Variants in RHO observed in about 807,000 individuals in gnomAD.
RHO encodes opsin 2, rod pigment.
A neutral mutation model predicts 31.2 loss-of-function variants in RHO; 21 were observed. That is an observed-to-expected ratio of 0.67 (90% CI 0.48 to 0.97). The LOEUF is 0.97. RHO is among the 50% of genes least tolerant of loss of function. RHO has a pLI of 0.00. For missense variants in RHO, 414 were observed against 479.5 expected (o/e 0.86, Z 1.28); for synonymous variants, 211 against 196.6 (o/e 1.07, Z -0.61).
intron 1 of RHO, 44 bp downstream of exon 1, chr3:129,529,138 T>A: frequency 6.3e-7 from 1 of 1,590,918 alleles, no homozygotes; most frequent in South Asian, 1.1e-5. Context: ...CCCGGGAGCA[T>A]GGAGGGGTCT....
In RHO at chr3:129,532,186, C is replaced by T. The variant is rs1003128409; in HGVS notation, c.531-65C>T. ...TGAAGCCCCAGAAAGGGCCAGCGCT[C>T]GGCAGCCACCTTGGCTGTTCCCAAG... On this transcript the variant is annotated intron_variant, in intron 2 of 4. Coordinates refer to ENST00000296271, the MANE Select transcript of RHO (RefSeq NM_000539.3). This position sits in a 1 kb window ranked among gnomAD's most constrained non-coding sequence, Gnocchi z 5.5. The T allele has an allele frequency of 1.4e-5, 20 of 1,403,320 alleles. No individual in the cohort carries two copies. Among genetic ancestry groups the T allele is most frequent in the Admixed American group, 3.4e-5 (2 of 59,126 alleles). 86.9% of individuals were successfully genotyped at this position (1,403,320 alleles called of 1,614,324 possible).
Position 129,528,717 on chromosome 3 carries a change from C to G in RHO, c.-17C>G. The G allele has an allele frequency of 6.2e-7, 1 of 1,614,032 alleles. No individual in the cohort carries two copies. The highest frequency in any genetic ancestry group is 8.5e-7 in the Non-Finnish European group (1 of 1,180,016). ...TTGGGTGGGAGCAGCCACGGGTCAG[C>G]CACAAGGGCCACAGCCATGAATGGC... is the stretch of plus-strand genomic sequence containing the variant. On this transcript the variant is annotated 5_prime_UTR_variant, in exon 1 of 5. Coordinates refer to ENST00000296271, the MANE Select transcript of RHO (RefSeq NM_000539.3).
chr3:129,529,681 C>T (rs1045421768), intron 1 of RHO, among the ~76,000 whole-genome samples: 2 of 152,228 alleles, frequency 1.3e-5, no homozygotes, highest in African/African-American at 4.8e-5. Flanking sequence ...CTCAGGTGCC[C>T]CTCCAGCCTC....
intron 1 of RHO, among the ~76,000 whole-genome samples, chr3:129,529,476 C>G (rs534810430): frequency 6.6e-6 from 1 of 152,354 alleles, no homozygotes; most frequent in South Asian, 2.1e-4. Context: ...CTCTGTTTCC[C>G]TTGGAGCAGC....
rs1033202887 is a variant in RHO at position 129,535,205 on chromosome 3, C to A, written c.*1487C>A. On this transcript the variant is annotated 3_prime_UTR_variant, in exon 5 of 5. Transcript: ENST00000296271. ...TTTTGTTGCTTTCACACTCTATCCACAGGATAGATTGAAACTGCCAGCTTC... is the reference window on the plus strand; with the variant it reads ...TTTTGTTGCTTTCACACTCTATCCAAAGGATAGATTGAAACTGCCAGCTTC... 1.3e-5 allele frequency: 2 copies of A among 152,646 alleles called. No individual in the cohort carries two copies. The highest frequency in any genetic ancestry group is 3.8e-4 in the East Asian group (2 of 5,196). The allele number at this position is 152,646 out of a possible 1,614,324, so 9.5% of individuals were successfully genotyped here.
At position 129,533,789 on chromosome 3, in the gene RHO, TCCCA is replaced by T; in HGVS notation, c.*74_*77del. 1 of 1,053,784 alleles carries T rather than the reference TCCCA, an allele frequency of 9.5e-7. No homozygotes were observed. The highest frequency in any genetic ancestry group is 1.5e-6 in the Non-Finnish European group (1 of 673,030). 65.3% of individuals were successfully genotyped at this position (1,053,784 alleles called of 1,614,324 possible). A position where few individuals can be genotyped will look rare whatever the true frequency, so the allele number is the denominator to read the frequency against. ...CTACACCTTCCCCCAGCCACAGCCA[TCCCA>T]CCAGGAGCAGCGCCTGTGCAGAATG... On this transcript the variant is annotated 3_prime_UTR_variant, in exon 5 of 5. Coordinates refer to ENST00000296271, the MANE Select transcript of RHO (RefSeq NM_000539.3).
Position 129,533,843 on chromosome 3 carries a change from T to A in RHO, c.*125T>A, listed in dbSNP as rs1578281839. 1.9e-5 allele frequency: 2 copies of A among 107,876 alleles called. No individual in the cohort carries two copies. Among genetic ancestry groups the A allele is most frequent in the Non-Finnish European group, 2.7e-5 (2 of 74,728 alleles). The allele number at this position is 107,876 out of a possible 1,614,324, so 6.7% of individuals were successfully genotyped here. A position where few individuals can be genotyped will look rare whatever the true frequency, so the allele number is the denominator to read the frequency against. The stretch of plus-strand genomic sequence containing the variant: ...GAACGAAGTCACATAGGCTCCTTAA[T>A]TTTTTTTTTTTTTTTAAGAAATAAT... On this transcript the variant is annotated 3_prime_UTR_variant, in exon 5 of 5. Transcript: ENST00000296271.
At chr3:129,530,384 C>G (rs969581772) in intron 1 of RHO, among the ~76,000 whole-genome samples, 3 of 152,000 alleles carry the variant, frequency 2.0e-5, no homozygotes, top group African/African-American at 4.8e-5. Flanking sequence ...CCCACATGTC[C>G]GGGTTATTTC....
At chr3:129,533,482 G>T in intron 4 of RHO, 126 bp from the exon 5 acceptor site, 1 of 797,258 alleles carries the variant, frequency 1.3e-6, no homozygotes, top group Non-Finnish European at 2.2e-6. Flanking sequence ...CTGGATTTGA[G>T]TGGATGGGGC....
At position 129,529,087 on chromosome 3, in the gene RHO, C is replaced by A. The variant is rs2084759312; in HGVS notation, c.354C>A (p.Thr118=). 7 of 1,612,446 alleles carry A rather than the reference C, an allele frequency of 4.3e-6. No homozygotes were observed. Among genetic ancestry groups the A allele is most frequent in the Non-Finnish European group, 5.9e-6 (7 of 1,179,026 alleles). The change falls in exon 1 of 5, where the codon ACC becomes ACA. Residue 118 remains threonine, a synonymous_variant. Transcript: ENST00000296271. ...TGCNLEGFFA[T]LGGEIALWSL... is the part of the protein sequence containing the mutation. ...GCAATTTGGAGGGCTTCTTTGCCACCCTGGGCGGTATGAGCCGGGTGTGGG... is the reference window on the plus strand; with the variant it reads ...GCAATTTGGAGGGCTTCTTTGCCACACTGGGCGGTATGAGCCGGGTGTGGG...
At position 129,532,426 on chromosome 3, in the gene RHO, G is replaced by A. The variant is rs372570611; in HGVS notation, c.696+10G>A. ...CTTCACCGTCAAGGAGGTACGGGCCGGGGGGTGGGCGGCCTCACGGCTCTG... is the reference window on the plus strand; with the variant it reads ...CTTCACCGTCAAGGAGGTACGGGCCAGGGGGTGGGCGGCCTCACGGCTCTG... On this transcript the variant is annotated intron_variant, in intron 3 of 4. Coordinates refer to ENST00000296271, the MANE Select transcript of RHO (RefSeq NM_000539.3). This position sits in a 1 kb window ranked among gnomAD's most constrained non-coding sequence, Gnocchi z 5.5. The A allele has an allele frequency of 1.4e-5, 22 of 1,613,618 alleles. No individual in the cohort carries two copies. Among genetic ancestry groups the A allele is most frequent in the Admixed American group, 1.0e-4 (6 of 60,014 alleles).
intron 1 of RHO, 128 bp from the exon 2 acceptor site, chr3:129,530,748 C>T (rs1158379876): frequency 2.6e-6 from 3 of 1,148,670 alleles, no homozygotes; most frequent in Non-Finnish European, 2.6e-6. Context: ...TCTCTCCTTC[C>T]CCAAGGCCTC....
chr3:129,530,814 G>A (rs764208456), intron 1 of RHO, 62 bp from the exon 2 acceptor site: 5 of 1,607,092 alleles, frequency 3.1e-6, no homozygotes, highest in Non-Finnish European at 4.3e-6. Context: ...CCCTGTCTAG[G>A]GGGGAGTGCA....
chr3:129,531,098 C>G, intron 2 of RHO, 54 bp downstream of exon 2: 1 of 1,593,566 alleles, frequency 6.3e-7, no homozygotes, highest in Middle Eastern at 1.9e-4. Flanking sequence ...GTAGGGTCCT[C>G]CAGTCAGGAC....
rs1011477724 is a variant in RHO at position 129,530,534 on chromosome 3, AC to A, written c.362-341del. Among the ~76,000 whole-genome samples, 44 of 53,750 alleles carry A rather than the reference AC, an allele frequency of 8.2e-4. 1 individual carries two copies. The Middle Eastern group carries it at 0.027, about 33-fold the overall frequency. 35.3% of individuals were successfully genotyped at this position (53,750 alleles called of 152,430 possible). ...ACACACACACACACACACACACACAACACACACACACACACACACACACACA... is the reference window on the plus strand; with the variant it reads ...ACACACACACACACACACACACACAAACACACACACACACACACACACACA... On this transcript the variant is annotated intron_variant, in intron 1 of 4. Transcript: ENST00000296271.
chr3:129,530,710 C>T (rs1418157003), intron 1 of RHO, among the ~76,000 whole-genome samples, 166 bp from the exon 2 acceptor site: 1 of 152,180 alleles, frequency 6.6e-6, no homozygotes, highest in African/African-American at 2.4e-5. Context: ...GGTCCCTCTG[C>T]CCCTTCCCCC....
chr3:129,529,966 C>T (rs949072687), intron 1 of RHO, among the ~76,000 whole-genome samples: 1 of 152,156 alleles, frequency 6.6e-6, no homozygotes, highest in South Asian at 2.1e-4. Flanking sequence ...TAGAAGCAGC[C>T]ATTGCAAAGC....
rs370746434 is a variant in RHO at position 129,531,751 on chromosome 3, A to G, written c.531-500A>G. Among the ~76,000 whole-genome samples the G allele has an allele frequency of 6.6e-5, 10 of 152,310 alleles. No individual in the cohort carries two copies. In the East Asian group the frequency reaches 1.7e-3, roughly 26 times the overall value. On this transcript the variant is annotated intron_variant, in intron 2 of 4. Transcript: ENST00000296271. Reference sequence around the variant, plus strand: ...TCCTGAGGCCCGTCCACTGTCACCAATATCAGGAACCATTGCCACGTCCTA... The same window carrying G: ...TCCTGAGGCCCGTCCACTGTCACCAGTATCAGGAACCATTGCCACGTCCTA...
chr3:129,532,550 G>T lies in RHO; in HGVS notation c.714G>T (p.Gln238His), dbSNP rs1217784259. 1 of 1,614,114 alleles carries T rather than the reference G, an allele frequency of 6.2e-7. No homozygotes were observed. Among genetic ancestry groups the T allele is most frequent in the East Asian group, 2.2e-5 (1 of 44,862 alleles). The change falls in exon 4 of 5, where the codon CAG becomes CAT. Residue 238 changes from glutamine (Q) to histidine (H), a missense_variant. By Grantham distance (24) the Gln-to-His change is conservative. Coordinates refer to ENST00000296271, the MANE Select transcript of RHO (RefSeq NM_000539.3). This position sits in a 1 kb window ranked among gnomAD's most constrained non-coding sequence, Gnocchi z 5.5. ...TCCTGCAGGCCGCTGCCCAGCAGCAGGAGTCAGCCACCACACAGAAGGCAG... is the reference window on the plus strand; with the variant it reads ...TCCTGCAGGCCGCTGCCCAGCAGCATGAGTCAGCCACCACACAGAAGGCAG... Reference protein sequence around the residue: ...FTVKEAAAQQQESATTQKAEK... With the variant: ...FTVKEAAAQQHESATTQKAEK...
Sources: gnomAD v4.1 joint callset for allele counts (sites outside exome capture counted in the v4.1 genomes callset) on GRCh38, gnomAD v4.1.1 for gene constraint, Gnocchi (gnomAD v3.1) non-coding constraint, MANE v1.5 for transcripts, NCBI Gene and HGNC (gene_info 2026-07-23, HGNC 2026-07-21) for gene names.